The following CSF2RA variants were observed in gnomAD, a reference collection of about 807,000 sequenced individuals.
CSF2RA encodes granulocyte-macrophage colony-stimulating factor receptor subunit alpha.
In CSF2RA, 42 loss-of-function variants were observed where a neutral mutation model predicts 51.6. The observed-to-expected ratio is 0.81, with a 90% CI of 0.64 to 1.05. The LOEUF is 1.05. Among genes scored for constraint, CSF2RA ranks in the 50% least tolerant of loss-of-function variants. The pLI is 0.00. For synonymous variants in CSF2RA, 222 were observed against 193.0 expected (o/e 1.15, Z -1.24); for missense variants, 530 against 501.1 (o/e 1.06, Z -0.55).
chrX:1,321,125 C>T, the CSF2RA span, among the ~76,000 whole-genome samples: 5 of 152,140 alleles, frequency 3.3e-5, no homozygotes, highest in South Asian at 2.1e-4. Flanking sequence ...ATTATAGGCT[C>T]AGCCCCAACT....
chrX:1,279,120 G>T (rs2148141539), intron 2 of CSF2RA, among the ~76,000 whole-genome samples: 1 of 150,886 alleles, frequency 6.6e-6, no homozygotes, highest in African/African-American at 2.4e-5. Context: ...GGAGGCCGAG[G>T]CAGGGGGATT....
chrX:1,295,718 G>A, intron 9 of CSF2RA: 1 of 646,432 alleles, frequency 1.5e-6, no homozygotes, highest in Non-Finnish European at 2.8e-6. Context: ...GTGTAAGGAG[G>A]AGGAGACCCT....
downstream of CSF2RA, among the ~76,000 whole-genome samples, chrX:1,312,927 G>A (rs1275267642): frequency 6.6e-5 from 10 of 152,122 alleles, no homozygotes; most frequent in Non-Finnish European, 1.2e-4. Context: ...GGCTCTTGGT[G>A]GGGAGAAGCG....
chrX:1,299,172 C>T (rs2092209431), intron 9 of CSF2RA, among the ~76,000 whole-genome samples: 1 of 152,110 alleles, frequency 6.6e-6, no homozygotes, highest in Non-Finnish European at 1.5e-5. Flanking sequence ...CTGATTTTCC[C>T]ATTTTATTCC....
Position 1,281,784 on chromosome X carries a change from T to G in CSF2RA, c.-26-894T>G, listed in dbSNP as rs183857279. On this transcript the variant is annotated intron_variant, in intron 2 of 12. Coordinates refer to ENST00000381529, the MANE Select transcript of CSF2RA (RefSeq NM_172245.4). The stretch of plus-strand genomic sequence containing the variant: ...GTGGATTCTTTCCCTTAGTCATAAG[T>G]ATTTAAACTTCATTCATGTCGTTTT... The G allele has an allele frequency of 8.6e-5, 13 of 151,710 alleles. No individual in the cohort carries two copies. In the East Asian group the frequency reaches 2.5e-3, roughly 29 times the overall value. The allele number at this position is 151,710 out of a possible 1,614,324, so 9.4% of individuals were successfully genotyped here.
chrX:1,312,555 A>C (rs2084236330), downstream of CSF2RA, among the ~76,000 whole-genome samples: 1 of 152,142 alleles, frequency 6.6e-6, no homozygotes, highest in Non-Finnish European at 1.5e-5. Context: ...TCTGTCTCCC[A>C]CATGGGATTA....
At chrX:1,281,665 G>A (rs746019908) in intron 2 of CSF2RA, among the ~76,000 whole-genome samples, 2 of 151,808 alleles carry the variant, frequency 1.3e-5, no homozygotes, top group South Asian at 4.2e-4. Context: ...TCTGCCCAAC[G>A]CCAACCAACT....
intron 6 of CSF2RA, 122 bp downstream of exon 6, chrX:1,289,010 G>A: frequency 1.5e-6 from 2 of 1,352,334 alleles, no homozygotes; most frequent in Admixed American, 1.8e-5. Context: ...TGCCCAGGCT[G>A]CAATGCAATG....
the CSF2RA span, among the ~76,000 whole-genome samples, chrX:1,324,776 C>G: frequency 6.6e-6 from 1 of 152,014 alleles, no homozygotes; most frequent in Non-Finnish European, 1.5e-5. Flanking sequence ...TGTGGACGCA[C>G]GCAGGGAAAG....
At chrX:1,309,331 A>G in intron 12 of CSF2RA, 71 bp from the exon 13 acceptor site, 3 of 1,475,544 alleles carry the variant, frequency 2.0e-6, no homozygotes, top group African/African-American at 1.4e-5. Flanking sequence ...GAAAAAGAAA[A>G]TAAACACAGC....
intron 11 of CSF2RA, among the ~76,000 whole-genome samples, chrX:1,304,565 G>A: frequency 6.6e-6 from 1 of 151,910 alleles, no homozygotes. Flanking sequence ...CACTGCTGTT[G>A]AAGGGCTGAG....
At chrX:1,292,623 T>A (rs1232045497) in intron 7 of CSF2RA, among the ~76,000 whole-genome samples, 1 of 152,098 alleles carries the variant, frequency 6.6e-6, no homozygotes, top group Admixed American at 6.6e-5. Flanking sequence ...AGATTTATGC[T>A]TCTCTCCACA....
intron 9 of CSF2RA, among the ~76,000 whole-genome samples, chrX:1,299,134 T>C (rs1487887710): frequency 3.9e-5 from 6 of 152,174 alleles, no homozygotes; most frequent in African/African-American, 1.4e-4. Flanking sequence ...GTCCCAATGG[T>C]TGGAATATTT....
intron 10 of CSF2RA, among the ~76,000 whole-genome samples, chrX:1,301,167 A>G (rs1419816169): frequency 6.7e-6 from 1 of 148,972 alleles, no homozygotes; most frequent in Non-Finnish European, 1.5e-5. Flanking sequence ...AAAAAAAGAA[A>G]AAAAAATACA....
chrX:1,282,020 C>A (rs2090125559), intron 2 of CSF2RA: 1 of 100,152 alleles, frequency 1.0e-5, no homozygotes, highest in Non-Finnish European at 1.9e-5. Context: ...ACGGTGAAAG[C>A]CTGTTTCTAC....
At position 1,300,579 on chromosome X, in the gene CSF2RA, A is replaced by G. The variant is rs1437478137; in HGVS notation, c.899A>G (p.Asp300Gly). 6.2e-7 allele frequency: 1 copy of G among 1,613,824 alleles called. No homozygotes were observed. Among genetic ancestry groups the G allele is most frequent in the African/African-American group, 1.3e-5 (1 of 74,916 alleles). The part of the protein sequence containing the change: ...AKHSVKIRAA[D>G]VRILNWSSWS... ...CACAGTGTGAAGATCAGAGCTGCAGACGTCCGCATCTTGAATTGGAGCTCC... is the reference window on the plus strand; with the variant it reads ...CACAGTGTGAAGATCAGAGCTGCAGGCGTCCGCATCTTGAATTGGAGCTCC... The change falls in exon 10 of 13, where the codon GAC (aspartate) becomes GGC (glycine). Residue 300 changes from aspartate (D) to glycine (G), a missense_variant. Physicochemically the swap from Asp to Gly is moderately conservative, Grantham distance 94. Transcript: ENST00000381529.
At chrX:1,281,889 T>C (rs2090113679) in intron 2 of CSF2RA, 1 of 149,436 alleles carries the variant, frequency 6.7e-6, no homozygotes, top group Admixed American at 6.7e-5. Context: ...AAAGTCAAGA[T>C]TTTTTAAAAA....
Position 1,282,697 on chromosome X carries a change from C to T in CSF2RA, c.-7C>T, listed in dbSNP as rs781430622. 1.4e-5 allele frequency: 23 copies of T among 1,611,576 alleles called. No individual in the cohort carries two copies. The highest frequency in any genetic ancestry group is 8.5e-7 in the Non-Finnish European group (1 of 1,177,846). Reference sequence around the variant, plus strand: ...CTGCAGCTCTTCCCTTCTCTCTGACCAGCACCATGCTTCTCCTGGTGACAA... The same window carrying T: ...CTGCAGCTCTTCCCTTCTCTCTGACTAGCACCATGCTTCTCCTGGTGACAA... On this transcript the variant is annotated 5_prime_UTR_variant, in exon 3 of 13. Coordinates refer to ENST00000381529, the MANE Select transcript of CSF2RA (RefSeq NM_172245.4).
At chrX:1,324,334 AAAGG>A in the CSF2RA span, among the ~76,000 whole-genome samples, 10 of 150,422 alleles carry the variant, frequency 6.6e-5, no homozygotes, top group Admixed American at 2.0e-4. Context: ...TCTCTAAGAA[AAAGG>A]AAGGAAGGAA....
Sources: allele counts gnomAD v4.1 joint callset (sites outside exome capture counted in the v4.1 genomes callset), GRCh38; gene constraint gnomAD v4.1.1; transcripts MANE v1.5; gene names NCBI Gene and HGNC (gene_info 2026-07-23, HGNC 2026-07-21).